CHID1: variants seen among roughly 807,000 people sequenced by gnomAD.
CHID1 encodes the protein chitinase domain-containing protein 1.
CHID1 carries 44 observed loss-of-function variants against 55.4 expected under a neutral mutation model. That is an observed-to-expected ratio of 0.79 (90% CI 0.62 to 1.02). The LOEUF is 1.02. Ranked by LOEUF, CHID1 falls within the 50% of genes least tolerant of loss-of-function variation. The probability of loss-of-function intolerance (pLI) is 0.00; values close to 1 mark genes in which losing one functional copy is unlikely to be tolerated. For synonymous variants in CHID1, 216 were observed against 212.9 expected, an observed-to-expected ratio of 1.01 and a Z score of -0.13; for missense variants, 491 against 515.3, an observed-to-expected ratio of 0.95 and a Z score of 0.46.
Position 900,016 on chromosome 11 carries a change from G to C in CHID1, c.534C>G (p.Val178=), listed in dbSNP as rs544058596. 6.2e-7 allele frequency: 1 copy of C among 1,613,662 alleles called. No individual in the cohort carries two copies. The highest frequency in any genetic ancestry group is 1.1e-5 in the South Asian group (1 of 91,078). Residue 178 remains valine (V), a synonymous_variant, in exon 6 of 13, where the codon GTC becomes GTG. Transcript: ENST00000323578. ...DEIEELSKTV[V]QVAKNQHFDG... is the part of the protein sequence containing the mutation. ...ACACAGGTCTCACCTTTGCCACCTG[G>C]ACCACGGTCTTGCTCAGCTCCTCTA...
chr11:879,306 C>G (rs1849727714), intron 10 of CHID1, among the ~76,000 whole-genome samples: 1 of 151,732 alleles, frequency 6.6e-6, no homozygotes, highest in Non-Finnish European at 1.5e-5. Context: ...AACTCCTGGG[C>G]TCCAGTGATC....
rs1035592371 is a variant in CHID1 at position 884,968 on chromosome 11, C to T, written c.702-799G>A. Reference sequence around the variant, plus strand: ...CCAGGGAGAGCTGGGTGCTGGCCTACGGCCCCTCCACACCCAGATCTATAA... The same window carrying T: ...CCAGGGAGAGCTGGGTGCTGGCCTATGGCCCCTCCACACCCAGATCTATAA... On this transcript the variant is annotated intron_variant, in intron 8 of 12. Transcript: ENST00000323578. 1.5e-4 allele frequency among the ~76,000 whole-genome samples: 23 copies of T among 152,344 alleles called. No homozygotes were observed. In the East Asian group the frequency reaches 2.1e-3, roughly 14 times the overall value.
intron 10 of CHID1, among the ~76,000 whole-genome samples, chr11:878,186 G>A (rs935461698): frequency 1.3e-5 from 2 of 152,212 alleles, no homozygotes; most frequent in African/African-American, 4.8e-5. Context: ...AGCCGAGCCG[G>A]GTGGATCACT....
At chr11:896,409 T>C (rs971396496) in intron 7 of CHID1, among the ~76,000 whole-genome samples, 350 of 18,768 alleles carry the variant, frequency 0.019, no homozygotes, top group Middle Eastern at 0.042. Context: ...CAGCCTCCAA[T>C]CCAGACACAA....
chr11:899,302 A>G, intron 7 of CHID1, 38 bp downstream of exon 7: 1 of 1,567,808 alleles, frequency 6.4e-7, no homozygotes, highest in Non-Finnish European at 8.7e-7. Flanking sequence ...CACCAGGGCC[A>G]GGAGGAGGGC....
At chr11:878,855 T>G (rs914873672) in intron 10 of CHID1, among the ~76,000 whole-genome samples, 3 of 150,218 alleles carry the variant, frequency 2.0e-5, no homozygotes, top group Non-Finnish European at 4.5e-5. Flanking sequence ...CCCGGCTAAT[T>G]TTTTTTTTTG....
In CHID1 at chr11:898,726, C is replaced by T. The variant is rs115548835; in HGVS notation, c.608+614G>A. Among the ~76,000 whole-genome samples, 605 of 152,312 alleles carry T rather than the reference C, an allele frequency of 4.0e-3. 7 individuals carry two copies. The highest frequency in any genetic ancestry group is 0.014 in the African/African-American group (576 of 41,570). Reference sequence around the variant, plus strand: ...GGGAGCCATGGCACTTCCTATCACTCCCTCCGTTCCTGGTCATGTGGCCCA... The same window carrying T: ...GGGAGCCATGGCACTTCCTATCACTTCCTCCGTTCCTGGTCATGTGGCCCA... On this transcript the variant is annotated intron_variant, in intron 7 of 12. Transcript: ENST00000323578.
At chr11:885,481 A>G (rs1589846043) in intron 8 of CHID1, among the ~76,000 whole-genome samples, 1 of 151,614 alleles carries the variant, frequency 6.6e-6, no homozygotes, top group Non-Finnish European at 1.5e-5. Flanking sequence ...CTCAGCCCCG[A>G]CCTCTTTTCC....
intron 4 of CHID1, 173 bp downstream of exon 4, chr11:902,023 TCA>T (rs1166734518): frequency 1.0e-4 from 63 of 621,444 alleles, no homozygotes; most frequent in African/African-American, 8.6e-4. Flanking sequence ...TCCCACATCA[TCA>T]GTCTCACACT....
Position 870,501 on chromosome 11 carries a change from T to C in CHID1, c.960-2A>G. ...TGGTCCTTCAGTGTCTGGATGTACC[T>C]GGGGAGACCAGGATATGGATTTGGG... is the stretch of plus-strand genomic sequence containing the variant. On this transcript the variant is annotated splice_acceptor_variant, in intron 10 of 12. Coordinates refer to ENST00000323578, the MANE Select transcript of CHID1 (RefSeq NM_023947.4). LOFTEE classifies it high-confidence loss of function. The C allele has an allele frequency of 6.2e-7, 1 of 1,605,466 alleles. No individual in the cohort carries two copies. Among genetic ancestry groups the C allele is most frequent in the Non-Finnish European group, 8.5e-7 (1 of 1,175,350 alleles).
Position 900,090 on chromosome 11 carries a change from C to A in CHID1, c.460G>T (p.Asp154Tyr). The A allele has an allele frequency of 6.2e-7, 1 of 1,613,962 alleles. No homozygotes were observed. Among genetic ancestry groups the A allele is most frequent in the Non-Finnish European group, 8.5e-7 (1 of 1,179,960 alleles). The part of the protein sequence containing the change: ...LHIVPRLLFE[D>Y]WTYDDFRNVL... ...TTCCGGAAATCATCGTAAGTCCAGT[C>A]CTCAAACAGGAGCCGAGGCACTGCA... The change falls in exon 6 of 13, where the codon GAC becomes TAC. Residue 154 changes from aspartate to tyrosine, a missense_variant. Transcript: ENST00000323578.
At chr11:903,576 T>C (rs186248638) in intron 2 of CHID1, 1 of 210,634 alleles carries the variant, frequency 4.7e-6, no homozygotes. Flanking sequence ...AGATCAGGAG[T>C]TGGAGACCAG....
intron 4 of CHID1, among the ~76,000 whole-genome samples, chr11:901,248 C>T (rs1171022391): frequency 6.6e-6 from 1 of 152,148 alleles, no homozygotes; most frequent in African/African-American, 2.4e-5. Flanking sequence ...TGGGACAGCT[C>T]AGAGCCTGTG....
In CHID1 at chr11:870,011, G is replaced by A. The variant is rs560853222; in HGVS notation, c.1084-55C>T. On this transcript the variant is annotated intron_variant, in intron 12 of 12. Transcript: ENST00000323578. Reference sequence around the variant, plus strand: ...CTGGGGCCTGTCCCCCCAACACCCAGGGATGTCCTCCAGGCCGAGGGGCAG... The same window carrying A: ...CTGGGGCCTGTCCCCCCAACACCCAAGGATGTCCTCCAGGCCGAGGGGCAG... The A allele has an allele frequency of 3.0e-4, 483 of 1,607,466 alleles. 1 individual carries two copies. Among genetic ancestry groups the A allele is most frequent in the South Asian group, 6.7e-4 (61 of 90,956 alleles).
intron 9 of CHID1, 130 bp from the exon 10 acceptor site, chr11:883,433 C>T: frequency 2.1e-6 from 2 of 966,508 alleles, no homozygotes; most frequent in South Asian, 1.6e-5. Flanking sequence ...TTGTAAAGAA[C>T]AGAAGTCACC....
intron 8 of CHID1, among the ~76,000 whole-genome samples, chr11:885,537 A>G (rs1256117201): frequency 1.3e-5 from 2 of 151,526 alleles, no homozygotes; most frequent in African/African-American, 4.9e-5. Context: ...GCCTCCCCAG[A>G]TCCCCGACAA....
intron 6 of CHID1, 109 bp from the exon 7 acceptor site, chr11:899,510 C>G: frequency 9.8e-7 from 1 of 1,023,802 alleles, no homozygotes; most frequent in Non-Finnish European, 1.5e-6. Flanking sequence ...GGCCTGGTCA[C>G]TCACGAGGCA....
intron 10 of CHID1, among the ~76,000 whole-genome samples, chr11:879,803 G>A (rs1033244402): frequency 1.3e-5 from 2 of 152,238 alleles, no homozygotes; most frequent in Non-Finnish European, 1.5e-5. Flanking sequence ...GCAGGGCTGG[G>A]TGCATGGGGA....
chr11:902,826 C>T (rs542000662), intron 3 of CHID1, 136 bp downstream of exon 3: 6 of 810,320 alleles, frequency 7.4e-6, no homozygotes, highest in Non-Finnish European at 1.2e-5. Context: ...CCCACCGTAG[C>T]CTCACAGCAG....
Sources: gnomAD v4.1 joint callset for allele counts (sites outside exome capture counted in the v4.1 genomes callset) on GRCh38, gnomAD v4.1.1 for gene constraint, MANE v1.5 for transcripts, NCBI Gene and HGNC (gene_info 2026-07-23, HGNC 2026-07-21) for gene names.